Variants in MARCHF6 observed in about 807,000 individuals in gnomAD.
The protein encoded by MARCHF6 is E3 ubiquitin-protein ligase MARCHF6.
MARCHF6 carries 31 observed loss-of-function variants against 133.7 expected under a neutral mutation model. The observed-to-expected ratio is 0.23, with a 90% confidence interval of 0.17 to 0.31. The LOEUF (loss-of-function observed/expected upper bound fraction) is 0.31. Ranked by LOEUF, MARCHF6 falls within the 10% of genes least tolerant of loss-of-function variation. MARCHF6 has a pLI of 1.00. For synonymous variants in MARCHF6, 395 were observed against 402.5 expected, an observed-to-expected ratio of 0.98 and a Z score of 0.22; for missense variants, 723 against 1,121.6, an observed-to-expected ratio of 0.64 and a Z score of 5.08.
chr5:10,417,084 G>T lies in MARCHF6; in HGVS notation c.2149-186G>T, dbSNP rs117672622. Among the ~76,000 whole-genome samples, 39 of 152,330 alleles carry T rather than the reference G, an allele frequency of 2.6e-4. No homozygotes were observed. The East Asian group carries it at 7.3e-3, about 29-fold the overall frequency. On this transcript the variant is annotated intron_variant, in intron 21 of 25. Transcript: ENST00000274140. ...TTGTGAGAAAAAAACAGCCCAGCCAGCTGTGTGCTTTTTATGTAAGAGACT... is the reference window on the plus strand; with the variant it reads ...TTGTGAGAAAAAAACAGCCCAGCCATCTGTGTGCTTTTTATGTAAGAGACT...
chr5:10,354,034 C>A, intron 1 of MARCHF6, 117 bp downstream of exon 1: 1 of 1,049,036 alleles, frequency 9.5e-7, no homozygotes, highest in South Asian at 1.9e-5. Context: ...ACGCCTGGGC[C>A]GTTTGTCCAC....
intron 1 of MARCHF6, among the ~76,000 whole-genome samples, chr5:10,375,840 C>G (rs1308164447): frequency 3.9e-5 from 6 of 152,130 alleles, no homozygotes; most frequent in Admixed American, 3.9e-4. Flanking sequence ...GTAAACACAC[C>G]AATCAGCACC....
chr5:10,425,605 A>G (rs1049887490), intron 23 of MARCHF6, among the ~76,000 whole-genome samples: 1 of 152,228 alleles, frequency 6.6e-6, no homozygotes, highest in Non-Finnish European at 1.5e-5. Flanking sequence ...TTAAAAGGTT[A>G]AGCATGTTTG....
At chr5:10,402,007 G>A in intron 11 of MARCHF6, 52 bp from the exon 12 acceptor site, 1 of 1,027,280 alleles carries the variant, frequency 9.7e-7, no homozygotes, top group Non-Finnish European at 1.5e-6. Flanking sequence ...GAAAACCGGG[G>A]TGTAGAACAT....
intron 1 of MARCHF6, among the ~76,000 whole-genome samples, chr5:10,364,154 T>G (rs190944678): frequency 1.3e-3 from 205 of 152,324 alleles, no homozygotes; most frequent in African/African-American, 4.3e-3. Context: ...TACCTATTAG[T>G]GTGGCTAAAA....
chr5:10,357,850 AG>A (rs1735572250), intron 1 of MARCHF6, among the ~76,000 whole-genome samples: 1 of 152,192 alleles, frequency 6.6e-6, no homozygotes, highest in Non-Finnish European at 1.5e-5. Flanking sequence ...TATAGTTATT[AG>A]CTTAAGACAA....
Position 10,381,885 on chromosome 5 carries a change from T to C in MARCHF6, c.276T>C (p.Tyr92=), listed in dbSNP as rs781627813. 5 of 1,613,212 alleles carry C rather than the reference T, an allele frequency of 3.1e-6. No homozygotes were observed. Among genetic ancestry groups the C allele is most frequent in the Admixed American group, 1.7e-5 (1 of 59,906 alleles). Residue 92 remains tyrosine, a synonymous_variant, in exon 4 of 26, where the codon TAT becomes TAC. Transcript: ENST00000274140. ...LVTSIGTAIR[Y]WFHYTLVAFA... is the part of the protein sequence containing the mutation. ...CAAGTATTGGCACTGCAATACGATA[T>C]TGGTTTCATTATACACTTGTGGCCT...
In MARCHF6 at chr5:10,437,651, T is replaced by C. The variant is rs1056124184; in HGVS notation, c.*3967T>C. The C allele has an allele frequency of 7.2e-5, 11 of 152,234 alleles. No homozygotes were observed. Among genetic ancestry groups the C allele is most frequent in the Admixed American group, 7.2e-4 (11 of 15,290 alleles). 9.4% of individuals were successfully genotyped at this position (152,234 alleles called of 1,614,324 possible). The stretch of plus-strand genomic sequence containing the variant: ...CCTTAAATAAAAATGTAATGACTAA[T>C]CTAAGGTCTAGGAATAACTATTGTA... On this transcript the variant is annotated 3_prime_UTR_variant, in exon 26 of 26. Coordinates refer to ENST00000274140, the MANE Select transcript of MARCHF6 (RefSeq NM_005885.4).
intron 1 of MARCHF6, among the ~76,000 whole-genome samples, chr5:10,361,528 G>A (rs563907566): frequency 2.0e-5 from 3 of 152,022 alleles, no homozygotes; most frequent in South Asian, 2.1e-4. Context: ...TTTTAAAGAC[G>A]CTAGTCATAT....
At chr5:10,369,945 T>C (rs1408884027) in intron 1 of MARCHF6, among the ~76,000 whole-genome samples, 1 of 152,136 alleles carries the variant, frequency 6.6e-6, no homozygotes, top group Non-Finnish European at 1.5e-5. Flanking sequence ...GAAACCGTTA[T>C]ACATACTCAC....
intron 21 of MARCHF6, among the ~76,000 whole-genome samples, chr5:10,417,013 C>T (rs1229305538): frequency 1.3e-5 from 2 of 152,148 alleles, no homozygotes; most frequent in Non-Finnish European, 2.9e-5. Context: ...CTTGGCCAGT[C>T]GGTAGCTTTT....
chr5:10,425,157 G>C (rs1314842645), intron 23 of MARCHF6, among the ~76,000 whole-genome samples: 11 of 152,196 alleles, frequency 7.2e-5, no homozygotes, highest in Admixed American at 7.2e-4. Flanking sequence ...TGTTCAAAAA[G>C]TGCCTGTATT....
intron 15 of MARCHF6, among the ~76,000 whole-genome samples, chr5:10,404,322 C>T (rs780160697): frequency 9.2e-5 from 14 of 152,128 alleles, no homozygotes; most frequent in Non-Finnish European, 2.1e-4. Flanking sequence ...CCCACCTTGG[C>T]CTCCCAAAGT....
At chr5:10,354,765 T>C (rs1053180973) in intron 1 of MARCHF6, 28 of 152,238 alleles carry the variant, frequency 1.8e-4, no homozygotes, top group African/African-American at 6.5e-4. Flanking sequence ...GTTCCGGTTA[T>C]CGTGCAAATG....
intron 1 of MARCHF6, among the ~76,000 whole-genome samples, chr5:10,361,149 A>T (rs1735798887): frequency 6.6e-6 from 1 of 152,236 alleles, no homozygotes; most frequent in African/African-American, 2.4e-5. Flanking sequence ...AAAGAATGGA[A>T]AAGAAGAAAT....
intron 21 of MARCHF6, 82 bp from the exon 22 acceptor site, chr5:10,417,188 A>G: frequency 6.7e-7 from 1 of 1,501,500 alleles, no homozygotes. Context: ...TCTGTTAGGC[A>G]TCAGTCTCAA....
intron 1 of MARCHF6, among the ~76,000 whole-genome samples, chr5:10,369,614 C>CAT (rs1554019318): frequency 2.4e-4 from 2 of 8,366 alleles, no homozygotes; most frequent in African/African-American, 5.7e-4. Flanking sequence ...CCCCCCCCCC[C>CAT]CCTTGCAAAT....
intron 15 of MARCHF6, among the ~76,000 whole-genome samples, chr5:10,405,220 T>A (rs1260248848): frequency 6.6e-6 from 1 of 152,220 alleles, no homozygotes; most frequent in African/African-American, 2.4e-5. Context: ...TTTAGTACAT[T>A]TATAAATTGC....
At chr5:10,408,559 GA>G (rs2126781563) in intron 17 of MARCHF6, among the ~76,000 whole-genome samples, 1 of 152,252 alleles carries the variant, frequency 6.6e-6, no homozygotes, top group East Asian at 1.9e-4. Flanking sequence ...TTTTTTATGA[GA>G]AAGAGTCTCG....
Sources: allele counts gnomAD v4.1 joint callset (sites outside exome capture counted in the v4.1 genomes callset), GRCh38; gene constraint gnomAD v4.1.1; transcripts MANE v1.5; gene names NCBI Gene and HGNC (gene_info 2026-07-23, HGNC 2026-07-21).